MRTFA: variants seen among roughly 807,000 people sequenced by gnomAD.
The protein encoded by MRTFA is myocardin-related transcription factor A.
A neutral mutation model predicts 83.5 loss-of-function variants in MRTFA; 20 were observed. That is an observed-to-expected ratio of 0.24 (90% CI 0.17 to 0.35). MRTFA has a LOEUF of 0.35. Among genes scored for constraint, MRTFA ranks in the 10% least tolerant of loss-of-function variants. The probability of loss-of-function intolerance (pLI) is 1.00; values close to 1 mark genes in which losing one functional copy is unlikely to be tolerated. For synonymous variants in MRTFA, 659 were observed against 541.2 expected (o/e 1.22, Z -3.02); for missense variants, 1,200 against 1,224.7 (o/e 0.98, Z 0.30).
intron 2 of MRTFA, chr22:40,587,595 C>A: frequency 3.3e-6 from 1 of 306,412 alleles, no homozygotes; most frequent in Non-Finnish European, 6.5e-6. Context: ...ACATGACCAG[C>A]ACTGGTAAGG....
chr22:40,517,427 A>G (rs557291636), intron 3 of MRTFA, among the ~76,000 whole-genome samples: 2 of 152,280 alleles, frequency 1.3e-5, no homozygotes, highest in Admixed American at 1.3e-4. Flanking sequence ...GGGTCCGAAA[A>G]AGGGCTTGAA....
intron 4 of MRTFA, 115 bp downstream of exon 4, chr22:40,463,106 G>T: frequency 1.1e-6 from 1 of 876,312 alleles, no homozygotes; most frequent in Non-Finnish European, 1.9e-6. Context: ...AGAAGAGAGT[G>T]GAAAATAAAA....
At chr22:40,432,203 G>A (rs1425569129) in intron 5 of MRTFA, among the ~76,000 whole-genome samples, 4 of 151,950 alleles carry the variant, frequency 2.6e-5, no homozygotes, top group Admixed American at 1.3e-4. Context: ...CCAAGACTGC[G>A]CCACTGCACT....
intron 3 of MRTFA, chr22:40,523,839 ACATAAC>A (rs929357741): frequency 6.6e-6 from 1 of 152,178 alleles, no homozygotes; most frequent in Non-Finnish European, 1.5e-5. Flanking sequence ...TCAGTACTTT[ACATAAC>A]CAAATAAATT....
chr22:40,536,365 G>T (rs913133163), intron 3 of MRTFA, among the ~76,000 whole-genome samples: 1 of 146,024 alleles, frequency 6.8e-6, no homozygotes, highest in Admixed American at 6.7e-5. Context: ...GAGTTCAGCG[G>T]GCAGCGGAGC....
At chr22:40,548,489 C>T (rs1008457848) in intron 3 of MRTFA, among the ~76,000 whole-genome samples, 2 of 151,426 alleles carry the variant, frequency 1.3e-5, no homozygotes, top group Admixed American at 6.6e-5. Context: ...AGGACACAGA[C>T]GTAGAAAAGA....
At chr22:40,504,016 A>C (rs1190337012) in intron 3 of MRTFA, among the ~76,000 whole-genome samples, 1 of 152,248 alleles carries the variant, frequency 6.6e-6, no homozygotes, top group African/African-American at 2.4e-5. Flanking sequence ...AATTTATATA[A>C]AATTAATTTC....
At chr22:40,450,681 C>T (rs2053470447) in intron 4 of MRTFA, among the ~76,000 whole-genome samples, 1 of 152,002 alleles carries the variant, frequency 6.6e-6, no homozygotes, top group South Asian at 2.1e-4. Flanking sequence ...TGGTCTCAAC[C>T]ACCTGACCTC....
chr22:40,451,978 T>TG (rs2053499303), intron 4 of MRTFA, among the ~76,000 whole-genome samples: 1 of 103,412 alleles, frequency 9.7e-6, no homozygotes, highest in East Asian at 3.8e-4. Flanking sequence ...TTTTTTGGTT[T>TG]TTTTTTTTTT....
At chr22:40,519,981 A>C (rs1311726055) in intron 3 of MRTFA, among the ~76,000 whole-genome samples, 1 of 152,230 alleles carries the variant, frequency 6.6e-6, no homozygotes, top group African/African-American at 2.4e-5. Flanking sequence ...AGACACAATA[A>C]ACTTCACCTA....
At chr22:40,426,450 G>A (rs1349920166) in intron 7 of MRTFA, among the ~76,000 whole-genome samples, 1 of 152,092 alleles carries the variant, frequency 6.6e-6, no homozygotes, top group East Asian at 1.9e-4. Context: ...GAGCAAATGA[G>A]CTACATTTGC....
rs201900528 is a variant in MRTFA, at chr22:40,418,928, G to A, written c.1810C>T (p.Arg604Trp). 64 of 1,612,618 alleles carry A rather than the reference G, an allele frequency of 4.0e-5. No homozygotes were observed. The highest frequency in any genetic ancestry group is 8.9e-5 in the East Asian group (4 of 44,858). The stretch of plus-strand genomic sequence containing the variant: ...GGGCTCAGGCAACAGGACCCGGCCC[G>A]GGGGCCCTCCTCCTTCACGAGGATC... The change falls in exon 12 of 15, where the codon CGG (arginine) becomes TGG (tryptophan). Residue 604 changes from arginine (R) to tryptophan (W), a missense_variant. This residue lies in a region of MRTFA where 1,107 missense variants were observed against 1,041.8 expected (regional missense o/e 1.06). Transcript: ENST00000355630.
chr22:40,461,217 A>AAG (rs1467359542), intron 4 of MRTFA, among the ~76,000 whole-genome samples: 1 of 150,948 alleles, frequency 6.6e-6, no homozygotes, highest in African/African-American at 2.4e-5. Flanking sequence ...AAAAAAAAAA[A>AAG]AAAAAAAAAA....
intron 1 of MRTFA, among the ~76,000 whole-genome samples, chr22:40,608,933 T>G (rs896128087): frequency 1.3e-5 from 2 of 152,134 alleles, no homozygotes; most frequent in Non-Finnish European, 2.9e-5. Context: ...ATGACTGTTA[T>G]CAAATAAACA....
intron 4 of MRTFA, among the ~76,000 whole-genome samples, chr22:40,458,307 C>A (rs1330171189): frequency 1.3e-5 from 2 of 152,146 alleles, no homozygotes; most frequent in African/African-American, 4.8e-5. Flanking sequence ...AAGAATACTG[C>A]AAAATGATTC....
In MRTFA at chr22:40,586,129, T is replaced by C. The variant is rs147224623; in HGVS notation, c.-22+8545A>G. Among the ~76,000 whole-genome samples the C allele has an allele frequency of 1.8e-3, 270 of 151,892 alleles. 1 individual carries two copies. The highest frequency in any genetic ancestry group is 6.8e-3 in the Admixed American group (104 of 15,280). On this transcript the variant is annotated intron_variant, in intron 2 of 14. Transcript: ENST00000355630. ...CCCTAGAGACTGATAAAATGGTAGG[T>C]GGAAGTTGAGAGTAATTATTTTTTT...
intron 2 of MRTFA, among the ~76,000 whole-genome samples, chr22:40,577,158 G>A (rs1312637995): frequency 6.6e-6 from 1 of 150,630 alleles, no homozygotes; most frequent in Middle Eastern, 3.2e-3. Flanking sequence ...GGGAGGTCGA[G>A]GCTGCAGTGA....
intron 1 of MRTFA, among the ~76,000 whole-genome samples, chr22:40,597,918 G>A (rs1371480872): frequency 2.0e-5 from 3 of 152,092 alleles, no homozygotes; most frequent in Non-Finnish European, 2.9e-5. Context: ...CATATTAATC[G>A]AGTCTGCCAG....
chr22:40,611,120 G>A (rs1319094932), intron 1 of MRTFA, among the ~76,000 whole-genome samples: 1 of 151,908 alleles, frequency 6.6e-6, no homozygotes, highest in Non-Finnish European at 1.5e-5. Flanking sequence ...TGTATTTTTA[G>A]TAGAGAAGGG....
Sources: gnomAD v4.1 joint callset for allele counts (sites outside exome capture counted in the v4.1 genomes callset) on GRCh38, gnomAD v4.1.1 for gene constraint, gnomAD v4.1.1 regional missense constraint, MANE v1.5 for transcripts, NCBI Gene and HGNC (gene_info 2026-07-23, HGNC 2026-07-21) for gene names.